The following NPHP4 variants were observed in gnomAD, a reference collection of about 807,000 sequenced individuals.
NPHP4 encodes the protein nephrocystin 4.
Under a neutral mutation model 155.8 loss-of-function variants are expected in NPHP4, and 151 were observed. The observed-to-expected ratio is 0.97, with a 90% CI of 0.85 to 1.11. NPHP4 has a LOEUF of 1.11. Ranked by LOEUF, NPHP4 falls within the 50% of genes least tolerant of loss-of-function variation. The pLI, the probability that NPHP4 is intolerant of heterozygous loss-of-function variation, is 0.00. For synonymous variants in NPHP4, 845 were observed against 816.8 expected, an observed-to-expected ratio of 1.03 and a Z score of -0.59; for missense variants, 1,956 against 1,925.7, an observed-to-expected ratio of 1.02 and a Z score of -0.29.
intron 11 of NPHP4, among the ~76,000 whole-genome samples, chr1:5,922,063 A>G (rs1038514686): frequency 3.9e-5 from 6 of 152,262 alleles, no homozygotes; most frequent in African/African-American, 1.4e-4. Context: ...TACTCACAAT[A>G]GTCTTTGTAA....
At chr1:5,863,841 C>G (rs1042350378) in intron 29 of NPHP4, 49 bp downstream of exon 29, 1 of 1,602,400 alleles carries the variant, frequency 6.2e-7, no homozygotes, top group Admixed American at 1.7e-5. Context: ...GCCCTCCATT[C>G]AGGTCCCCGG....
intron 16 of NPHP4, among the ~76,000 whole-genome samples, chr1:5,895,109 A>G (rs1215901726): frequency 6.6e-6 from 1 of 151,044 alleles, no homozygotes; most frequent in Non-Finnish European, 1.5e-5. Context: ...GCATGTTCTC[A>G]CTCATAGGTG....
rs375416303 is a variant in NPHP4 at position 5,904,739 on chromosome 1, C to A, written c.2021G>T (p.Arg674Leu). 3.6e-4 allele frequency: 573 copies of A among 1,613,968 alleles called. 8 individuals are homozygous for A. The South Asian group carries it at 5.8e-3, about 16-fold the overall frequency. ...TCGTGGCGTCGTTGCGGGTGGGAAGCGGTAGAACTGGAAGGTGAAATACAC... is the reference window on the plus strand; with the variant it reads ...TCGTGGCGTCGTTGCGGGTGGGAAGAGGTAGAACTGGAAGGTGAAATACAC... ...KTVYFTFQFY[R>L]FPPATTPRLQ... is the part of the protein sequence containing the mutation. Residue 674 changes from arginine to leucine, a missense_variant, in exon 16 of 30, where the codon CGC becomes CTC. By Grantham distance (102) the Arg-to-Leu change is moderately radical (BLOSUM62 -2). Transcript: ENST00000378156.
chr1:5,938,315 T>G (rs542371913), intron 9 of NPHP4, among the ~76,000 whole-genome samples: 24 of 152,278 alleles, frequency 1.6e-4, no homozygotes, highest in African/African-American at 5.8e-4. Flanking sequence ...GGTGAAGAGC[T>G]GGGGGTGGCA....
At chr1:5,967,789 G>C (rs1204046100) in intron 4 of NPHP4, among the ~76,000 whole-genome samples, 1 of 152,094 alleles carries the variant, frequency 6.6e-6, no homozygotes, top group Non-Finnish European at 1.5e-5. Flanking sequence ...CAGGGAGCAG[G>C]GAGGCAGTGC....
rs1195314058 is a variant in NPHP4, at chr1:5,905,315, C to G, written c.1932G>C (p.Val644=). The change falls in exon 15 of 30, where the codon GTG becomes GTC. Residue 644 remains valine, a synonymous_variant. Coordinates refer to ENST00000378156, the MANE Select transcript of NPHP4 (RefSeq NM_015102.5). This position sits in a 1 kb window ranked among gnomAD's most constrained non-coding sequence, Gnocchi z 4.0. ...ESDCLQSNEM[V]LQFLAFSRVA... ...ACCTGCTAAAGGCAAGAAACTGTAG[C>G]ACCATCTCGTTGCTTTGTAGACAAT... 5 of 1,613,568 alleles carry G rather than the reference C, an allele frequency of 3.1e-6. No homozygotes were observed. Among genetic ancestry groups the G allele is most frequent in the Non-Finnish European group, 4.2e-6 (5 of 1,179,566 alleles).
At chr1:5,975,717 C>T (rs978755155) in intron 3 of NPHP4, among the ~76,000 whole-genome samples, 3 of 152,224 alleles carry the variant, frequency 2.0e-5, no homozygotes, top group African/African-American at 7.2e-5. Flanking sequence ...TTGTGAACTG[C>T]ACAGGCAGCA....
intron 11 of NPHP4, among the ~76,000 whole-genome samples, chr1:5,922,152 A>G (rs903666468): frequency 5.9e-5 from 9 of 152,238 alleles, no homozygotes; most frequent in African/African-American, 1.7e-4. Flanking sequence ...AAGATGGAAG[A>G]AGGAGCCAAG....
chr1:5,863,175 G>T lies in NPHP4; in HGVS notation c.*90C>A. 2 of 1,421,086 alleles carry T rather than the reference G, an allele frequency of 1.4e-6. No individual in the cohort carries two copies. Among genetic ancestry groups the T allele is most frequent in the Non-Finnish European group, 2.0e-6 (2 of 1,005,886 alleles). The allele number at this position is 1,421,086 out of a possible 1,614,324, so 88.0% of individuals were successfully genotyped here. On this transcript the variant is annotated 3_prime_UTR_variant, in exon 30 of 30. Coordinates refer to ENST00000378156, the MANE Select transcript of NPHP4 (RefSeq NM_015102.5). ...CAGGTGGGCACTGAAGTGAAAGGCT[G>T]CAGAGAGGCGGGGAGGACAGCCTGC...
intron 9 of NPHP4, among the ~76,000 whole-genome samples, chr1:5,934,896 G>A (rs11591192): frequency 0.012 from 1,786 of 152,288 alleles, 21 homozygotes; most frequent in South Asian, 0.021. Flanking sequence ...GGTGGCCAGG[G>A]GTCCTAAGGG....
chr1:5,934,709 T>C (rs1291863784), intron 9 of NPHP4, among the ~76,000 whole-genome samples: 5 of 152,272 alleles, frequency 3.3e-5, no homozygotes, highest in Admixed American at 2.0e-4. Flanking sequence ...AGCGCAGCCA[T>C]GGTCACAGCG....
chr1:5,891,017 A>C lies in NPHP4; in HGVS notation c.2155T>G (p.Phe719Val), dbSNP rs1644098679. The C allele has an allele frequency of 6.4e-7, 1 of 1,552,770 alleles. No individual in the cohort carries two copies. The highest frequency in any genetic ancestry group is 1.8e-5 in the Admixed American group (1 of 56,750). ...GGGCCCACCATGTACCTCAGCTGGAAGCCAGGAGACCCTGTCAAAGAGGCA... is the reference window on the plus strand; with the variant it reads ...GGGCCCACCATGTACCTCAGCTGGACGCCAGGAGACCCTGTCAAAGAGGCA... ...DGTFDAGSPG[F>V]QLRYMVGPGF... The change falls in exon 17 of 30, where the codon TTC becomes GTC. Residue 719 changes from phenylalanine (F) to valine (V), a missense_variant. Physicochemically the swap from Phe to Val is conservative, Grantham distance 50 (BLOSUM62 -1). Transcript: ENST00000378156.
intron 23 of NPHP4, among the ~76,000 whole-genome samples, chr1:5,872,096 T>C (rs1642067028): frequency 1.3e-5 from 2 of 152,194 alleles, no homozygotes; most frequent in Non-Finnish European, 2.9e-5. Flanking sequence ...ATTAAACCCC[T>C]ATGTGAAAGT....
At chr1:5,871,425 A>C (rs1345882304) in intron 23 of NPHP4, among the ~76,000 whole-genome samples, 2 of 152,236 alleles carry the variant, frequency 1.3e-5, no homozygotes, top group Non-Finnish European at 2.9e-5. Context: ...GCTAGGACGC[A>C]GCTCATTTAT....
rs376627958 is a variant in NPHP4 at position 5,923,094 on chromosome 1, G to C, written c.1441+4555C>G. Among the ~76,000 whole-genome samples, 6 of 152,320 alleles carry C rather than the reference G, an allele frequency of 3.9e-5. No individual in the cohort carries two copies. The East Asian group carries it at 1.2e-3, about 29-fold the overall frequency. ...ACACCAGGCGGAGAGCATGAGCCAA[G>C]ACTCAAAAGTCCGGAAAACACGCAG... On this transcript the variant is annotated intron_variant, in intron 11 of 29. Transcript: ENST00000378156.
chr1:5,900,059 C>A (rs901482038), intron 16 of NPHP4, among the ~76,000 whole-genome samples: 1 of 152,226 alleles, frequency 6.6e-6, no homozygotes, highest in Non-Finnish European at 1.5e-5. Flanking sequence ...CCACTGACAA[C>A]ACCAAATGCT....
At chr1:5,935,265 C>A (rs1646478867) in intron 9 of NPHP4, among the ~76,000 whole-genome samples, 1 of 152,214 alleles carries the variant, frequency 6.6e-6, no homozygotes, top group Non-Finnish European at 1.5e-5. Context: ...TCCACTTCTG[C>A]AGAGCCCTTT....
At chr1:5,971,768 T>C (rs984611899) in intron 3 of NPHP4, among the ~76,000 whole-genome samples, 4 of 150,910 alleles carry the variant, frequency 2.7e-5, no homozygotes, top group Non-Finnish European at 2.9e-5. Flanking sequence ...GAAAGGAACA[T>C]TCTCTACATC....
Position 5,911,875 on chromosome 1 carries a change from C to T in NPHP4, c.1442-2662G>A, listed in dbSNP as rs138647234. 5.7e-3 allele frequency among the ~76,000 whole-genome samples: 863 copies of T among 152,304 alleles called. 10 individuals are homozygous for T. The highest frequency in any genetic ancestry group is 0.018 in the African/African-American group (766 of 41,560). ...AGTCCTGCCCAGAGGACAGCGCGGC[C>T]GCCAGGGAGCACCCGCTGTACTCCA... On this transcript the variant is annotated intron_variant, in intron 11 of 29. Coordinates refer to ENST00000378156, the MANE Select transcript of NPHP4 (RefSeq NM_015102.5).
Sources: allele counts gnomAD v4.1 joint callset (sites outside exome capture counted in the v4.1 genomes callset), GRCh38; gene constraint gnomAD v4.1.1; non-coding constraint Gnocchi (gnomAD v3.1); transcripts MANE v1.5; gene names NCBI Gene and HGNC (gene_info 2026-07-23, HGNC 2026-07-21).